ADGRB3: variants seen among roughly 807,000 people sequenced by gnomAD.
ADGRB3 encodes adhesion G protein-coupled receptor B3.
ADGRB3 carries 37 observed loss-of-function variants against 193.4 expected under a neutral mutation model. That is an observed-to-expected ratio of 0.19 (90% confidence interval 0.15 to 0.25). The LOEUF (loss-of-function observed/expected upper bound fraction) is 0.25, where lower values mean the gene tolerates loss of function less well. Ranked by LOEUF, ADGRB3 falls within the 10% of genes least tolerant of loss-of-function variation. The probability of loss-of-function intolerance (pLI) is 1.00; values close to 1 mark genes in which losing one functional copy is unlikely to be tolerated. For missense variants in ADGRB3, 1,637 were observed against 1,852.9 expected (o/e 0.88, Z 2.14); for synonymous variants, 690 against 644.2 (o/e 1.07, Z -1.08).
At chr6:69,384,189 T>C (rs907706168) in intron 31 of ADGRB3, among the ~76,000 whole-genome samples, 1 of 152,156 alleles carries the variant, frequency 6.6e-6, no homozygotes, top group Non-Finnish European at 1.5e-5. Flanking sequence ...CTATGAGAAA[T>C]ATACGCTCTA....
chr6:68,906,883 G>A (rs1280101020), intron 3 of ADGRB3, among the ~76,000 whole-genome samples: 1 of 151,740 alleles, frequency 6.6e-6, no homozygotes, highest in Non-Finnish European at 1.5e-5. Flanking sequence ...AGAAGCTTTC[G>A]ACAGTAAAAT....
chr6:69,288,241 C>T (rs1195665991), intron 20 of ADGRB3, among the ~76,000 whole-genome samples: 1 of 152,122 alleles, frequency 6.6e-6, no homozygotes, highest in Non-Finnish European at 1.5e-5. Context: ...TGTTCCCCTC[C>T]CTGTGTCCAT....
intron 20 of ADGRB3, among the ~76,000 whole-genome samples, chr6:69,256,219 G>GT (rs1432762721): frequency 2.0e-5 from 3 of 151,364 alleles, no homozygotes; most frequent in East Asian, 3.9e-4. Context: ...CTTTAAAGTA[G>GT]TTTTTTCCAA....
intron 3 of ADGRB3, among the ~76,000 whole-genome samples, chr6:68,852,697 T>A (rs1768430890): frequency 6.6e-6 from 1 of 152,056 alleles, no homozygotes. Flanking sequence ...ATAAGCATAT[T>A]CTATCTTTCT....
chr6:69,121,404 C>A (rs994562756), intron 17 of ADGRB3, among the ~76,000 whole-genome samples: 2 of 152,160 alleles, frequency 1.3e-5, no homozygotes, highest in African/African-American at 4.8e-5. Flanking sequence ...ATGTCAACTT[C>A]TTTCTACACA....
chr6:68,704,940 T>C (rs1321682773), intron 3 of ADGRB3, among the ~76,000 whole-genome samples: 1 of 152,220 alleles, frequency 6.6e-6, no homozygotes, highest in Admixed American at 6.5e-5. Flanking sequence ...TTTATTATAA[T>C]TAAATATTTA....
intron 3 of ADGRB3, among the ~76,000 whole-genome samples, chr6:68,727,317 T>C (rs1011470133): frequency 6.6e-6 from 1 of 151,674 alleles, no homozygotes; most frequent in Non-Finnish European, 1.5e-5. Context: ...GGTAATGATA[T>C]AGTTGAAAAC....
intron 13 of ADGRB3, among the ~76,000 whole-genome samples, chr6:69,026,047 A>G (rs1770425139): frequency 6.6e-6 from 1 of 152,300 alleles, no homozygotes; most frequent in South Asian, 2.1e-4. Context: ...CAGCTTTAAG[A>G]GGTCTCAGAC....
rs187225219 is a variant in ADGRB3, at chr6:69,253,659, T to G, written c.2814+14433T>G. Reference sequence around the variant, plus strand: ...CACTGCTCTAGGGCAAATACTCTGCTCCAAGCAGTTGTTTCCTTGCTCTTA... The same window carrying G: ...CACTGCTCTAGGGCAAATACTCTGCGCCAAGCAGTTGTTTCCTTGCTCTTA... On this transcript the variant is annotated intron_variant, in intron 20 of 31. Transcript: ENST00000370598. Among the ~76,000 whole-genome samples the G allele has an allele frequency of 2.7e-3, 417 of 152,232 alleles. 3 individuals are homozygous for G. Among genetic ancestry groups the G allele is most frequent in the African/African-American group, 9.3e-3 (387 of 41,572 alleles).
intron 17 of ADGRB3, among the ~76,000 whole-genome samples, chr6:69,164,896 C>A (rs746303080): frequency 6.6e-6 from 1 of 152,032 alleles, no homozygotes; most frequent in Non-Finnish European, 1.5e-5. Flanking sequence ...CAGTGCCTGG[C>A]ACATATTAAA....
chr6:68,865,526 G>T (rs1765272648), intron 3 of ADGRB3, among the ~76,000 whole-genome samples: 1 of 152,104 alleles, frequency 6.6e-6, no homozygotes, highest in Non-Finnish European at 1.5e-5. Context: ...TACCTAGTGT[G>T]AAAGTTCAAG....
At chr6:68,782,642 C>T (rs962692507) in intron 3 of ADGRB3, among the ~76,000 whole-genome samples, 1 of 152,026 alleles carries the variant, frequency 6.6e-6, no homozygotes, top group African/African-American at 2.4e-5. Context: ...CTGTTGTTTC[C>T]TGTCTTTTTA....
intron 17 of ADGRB3, among the ~76,000 whole-genome samples, chr6:69,080,491 A>C (rs1331353880): frequency 6.6e-6 from 1 of 151,994 alleles, no homozygotes; most frequent in African/African-American, 2.4e-5. Context: ...CAAAAAGAAC[A>C]AGAAAGAGGT....
intron 3 of ADGRB3, among the ~76,000 whole-genome samples, chr6:68,778,824 G>A (rs1302333594): frequency 1.3e-5 from 2 of 151,970 alleles, no homozygotes; most frequent in East Asian, 3.9e-4. Flanking sequence ...AGCACAGAAG[G>A]CACTTCTGGT....
At chr6:68,662,100 G>A (rs1768676752) in intron 3 of ADGRB3, among the ~76,000 whole-genome samples, 1 of 151,464 alleles carries the variant, frequency 6.6e-6, no homozygotes, top group South Asian at 2.1e-4. Flanking sequence ...GTGCAGAAAT[G>A]ATGAGTGTGA....
In ADGRB3 at chr6:68,993,875, C is replaced by A. The variant is rs144610317; in HGVS notation, c.1842C>A (p.Gly614=). Residue 614 remains glycine (G), a synonymous_variant, in exon 11 of 32, where the codon GGC becomes GGA. Coordinates refer to ENST00000370598, the MANE Select transcript of ADGRB3 (RefSeq NM_001704.3). ...CTCAGAGAAAAAATTTCTATGCAGG[C>A]GATCTTCTGATGTCTGTGGAGATCC... ...DLTQRKNFYA[G]DLLMSVEILR... is the part of the protein sequence containing the mutation. 1 of 1,613,878 alleles carries A rather than the reference C, an allele frequency of 6.2e-7. No individual in the cohort carries two copies. Among genetic ancestry groups the A allele is most frequent in the Non-Finnish European group, 8.5e-7 (1 of 1,179,856 alleles).
At position 69,014,083 on chromosome 6, in the gene ADGRB3, GA is replaced by G; in HGVS notation, c.1980del (p.Lys660AsnfsTer13). ...VSNLLDEENK[E>X]KWEDAQQIYP... ...CAACCTTCTAGATGAAGAAAACAAG[GA>G]AAAATGGGAAGATGCACAACAGGTA... is the stretch of plus-strand genomic sequence containing the variant. On this transcript the variant is annotated frameshift_variant, in exon 12 of 32. Coordinates refer to ENST00000370598, the MANE Select transcript of ADGRB3 (RefSeq NM_001704.3). LOFTEE classifies it high-confidence loss of function. 2 of 1,603,880 alleles carry G rather than the reference GA, an allele frequency of 1.2e-6. No individual in the cohort carries two copies. Among genetic ancestry groups the G allele is most frequent in the South Asian group, 2.2e-5 (2 of 89,546 alleles).
chr6:69,169,299 A>T (rs1235083157), intron 17 of ADGRB3, among the ~76,000 whole-genome samples: 1 of 152,018 alleles, frequency 6.6e-6, no homozygotes, highest in Non-Finnish European at 1.5e-5. Flanking sequence ...GCAAGTATAA[A>T]GTTCTTCACA....
At chr6:69,148,092 C>G (rs1774557214) in intron 17 of ADGRB3, among the ~76,000 whole-genome samples, 1 of 152,112 alleles carries the variant, frequency 6.6e-6, no homozygotes, top group African/African-American at 2.4e-5. Flanking sequence ...TTCAGCCACT[C>G]TATGTCCTTG....
Sources: allele counts gnomAD v4.1 joint callset (sites outside exome capture counted in the v4.1 genomes callset), GRCh38; gene constraint gnomAD v4.1.1; transcripts MANE v1.5; gene names NCBI Gene and HGNC (gene_info 2026-07-23, HGNC 2026-07-21).